The following NR4A1 variants were observed in gnomAD, a reference collection of about 807,000 sequenced individuals.
NR4A1 encodes nuclear receptor subfamily 4immunitygroup A member 1.
NR4A1 carries 24 observed loss-of-function variants against 47.5 expected under a neutral mutation model. The ratio of observed to expected loss-of-function variants is 0.50; its 90% CI spans 0.37 to 0.71. NR4A1 has a LOEUF of 0.71. NR4A1 is among the 30% of genes least tolerant of loss of function. NR4A1 has a pLI of 0.00. For missense variants in NR4A1, 669 were observed against 788.6 expected, an observed-to-expected ratio of 0.85 and a Z score of 1.82; for synonymous variants, 353 against 345.7, an observed-to-expected ratio of 1.02 and a Z score of -0.24.
chr12:52,058,655 A>G (rs1307035078), intron 6 of NR4A1, 33 bp from the exon 7 acceptor site: 2 of 1,521,882 alleles, frequency 1.3e-6, no homozygotes, highest in East Asian at 2.4e-5. Context: ...CCTGGTTCTC[A>G]GATGTACAGC....
chr12:52,043,968 C>T, intron 2 of NR4A1: 2 of 1,275,058 alleles, frequency 1.6e-6, no homozygotes, highest in Non-Finnish European at 2.0e-6. Flanking sequence ...GGATTTTTTC[C>T]CATTGTGACT....
intron 1 of NR4A1, among the ~76,000 whole-genome samples, chr12:52,041,333 TGGGATCCC>T (rs1408156533): frequency 1.3e-5 from 2 of 152,146 alleles, no homozygotes; most frequent in Admixed American, 6.5e-5. Flanking sequence ...CCAGACGGTC[TGGGATCCC>T]ACATCCACTC....
intron 1 of NR4A1, among the ~76,000 whole-genome samples, chr12:52,025,152 C>T (rs1937977732): frequency 1.3e-5 from 2 of 151,972 alleles, no homozygotes; most frequent in Admixed American, 6.6e-5. Context: ...CTCCGTCCCC[C>T]GGGTTCAAGT....
Position 52,055,396 on chromosome 12 carries a change from G to A in NR4A1, c.876+192G>A, listed in dbSNP as rs373544375. On this transcript the variant is annotated intron_variant, in intron 2 of 6. Transcript: ENST00000394825. The stretch of plus-strand genomic sequence containing the variant: ...CCAGGGCTGGAAGCTTTCATTTGCC[G>A]GGACACTCGGGCCCATGGGATTGCA... 2.1e-4 allele frequency: 140 copies of A among 681,706 alleles called. 1 individual carries two copies. In the East Asian group the frequency reaches 2.9e-3, roughly 14 times the overall value. The allele number at this position is 681,706 out of a possible 1,614,324, so 42.2% of individuals were successfully genotyped here.
At chr12:52,048,438 C>CA (rs1242437779), upstream of NR4A1, among the ~76,000 whole-genome samples, 3 of 151,378 alleles carry the variant, frequency 2.0e-5, no homozygotes, top group South Asian at 2.1e-4. Context: ...GCTAAAAATA[C>CA]AAAAAAATTA....
chr12:52,045,411 C>T (rs865921860), intron 2 of NR4A1: 69 of 371,046 alleles, frequency 1.9e-4, no homozygotes, highest in African/African-American at 1.3e-3. Flanking sequence ...ACCCATCCCC[C>T]TGTAGCACTT....
intron 2 of NR4A1, among the ~76,000 whole-genome samples, chr12:52,044,710 G>A (rs1938567783): frequency 6.6e-6 from 1 of 152,206 alleles, no homozygotes; most frequent in South Asian, 2.1e-4. Context: ...ACGTAGGCTG[G>A]GTGGAGACCT....
chr12:52,056,699 C>T (rs1939290089), intron 4 of NR4A1, 54 bp downstream of exon 4: 1 of 1,336,854 alleles, frequency 7.5e-7, no homozygotes, highest in South Asian at 1.4e-5. Flanking sequence ...CATGCAGTGC[C>T]TTTGTGCGTG....
intron 1 of NR4A1, among the ~76,000 whole-genome samples, chr12:52,034,113 C>T (rs1369155323): frequency 6.6e-6 from 1 of 152,158 alleles, no homozygotes; most frequent in Non-Finnish European, 1.5e-5. Context: ...GATCTCAGCC[C>T]TGCCCTGCCG....
intron 2 of NR4A1, among the ~76,000 whole-genome samples, chr12:52,044,703 T>C (rs1938567264): frequency 1.3e-5 from 2 of 152,214 alleles, no homozygotes; most frequent in African/African-American, 2.4e-5. Context: ...TTTGCCCACG[T>C]AGGCTGGGTG....
Position 52,044,905 on chromosome 12 carries a change from C to A in NR4A1, c.37+2976C>A, listed in dbSNP as rs545238043. On this transcript the variant is annotated intron_variant, in intron 2 of 7. Transcript: ENST00000360284. Reference sequence around the variant, plus strand: ...GTGATCTTGTCTGTGTTTTCCAGCCCCGTCTGGTGGTTCTTCCTGAAGTCT... The same window carrying A: ...GTGATCTTGTCTGTGTTTTCCAGCCACGTCTGGTGGTTCTTCCTGAAGTCT... 1.5e-3 allele frequency among the ~76,000 whole-genome samples: 230 copies of A among 152,240 alleles called. 1 individual carries two copies. The highest frequency in any genetic ancestry group is 5.3e-3 in the African/African-American group (221 of 41,540).
chr12:52,034,498 C>A (rs1938196119), intron 1 of NR4A1, among the ~76,000 whole-genome samples: 1 of 152,230 alleles, frequency 6.6e-6, no homozygotes, highest in Admixed American at 6.5e-5. Context: ...CTCTCCTCAC[C>A]TTTCCTATCT....
chr12:52,043,654 C>T (rs117293367), intron 2 of NR4A1: 28,189 of 1,187,434 alleles, frequency 0.024, 377 homozygotes, highest in Non-Finnish European at 0.027. Flanking sequence ...TGGCTCCCCC[C>T]ATCCCCAGAG....
chr12:52,041,437 AT>A (rs1938432233), intron 1 of NR4A1, among the ~76,000 whole-genome samples: 1 of 152,100 alleles, frequency 6.6e-6, no homozygotes, highest in Admixed American at 6.5e-5. Context: ...AGAGTGGGGT[AT>A]TCCGCTCTGT....
At chr12:52,051,384 C>A, upstream of NR4A1, 2 of 985,494 alleles carry the variant, frequency 2.0e-6, no homozygotes, top group African/African-American at 3.5e-5. Flanking sequence ...TCAGTGGCGC[C>A]CCCGCCCCTC....
intron 1 of NR4A1, among the ~76,000 whole-genome samples, chr12:52,027,238 G>A (rs564107145): frequency 3.3e-5 from 5 of 152,344 alleles, no homozygotes; most frequent in South Asian, 2.1e-4. Context: ...AGGCTGTACC[G>A]GCTGGGCTGG....
At chr12:52,036,855 TG>T (rs1331638554) in intron 1 of NR4A1, among the ~76,000 whole-genome samples, 1 of 152,202 alleles carries the variant, frequency 6.6e-6, no homozygotes, top group East Asian at 1.9e-4. Context: ...CACCTCTTCC[TG>T]GGGAAGCCCC....
chr12:52,044,434 C>G (rs963293594), intron 2 of NR4A1, among the ~76,000 whole-genome samples: 3 of 152,140 alleles, frequency 2.0e-5, no homozygotes, highest in Admixed American at 1.3e-4. Flanking sequence ...CTGGCAAGTC[C>G]GCCAACCAGC....
intron 1 of NR4A1, among the ~76,000 whole-genome samples, chr12:52,026,964 C>T (rs1938012573): frequency 6.6e-6 from 1 of 152,096 alleles, no homozygotes; most frequent in Admixed American, 6.5e-5. Context: ...TGCTTGGTGG[C>T]CTCAACTCCA....
Sources: allele counts gnomAD v4.1 joint callset (sites outside exome capture counted in the v4.1 genomes callset), GRCh38; gene constraint gnomAD v4.1.1; transcripts MANE v1.5; gene names NCBI Gene and HGNC (gene_info 2026-07-23, HGNC 2026-07-21).